The following MAST2 variants were observed in gnomAD, a reference collection of about 807,000 sequenced individuals.
The protein encoded by MAST2 is microtubule-associated serine/threonine-protein kinase 2.
Under a neutral mutation model 147.4 loss-of-function variants are expected in MAST2, and 70 were observed. That is an observed-to-expected ratio of 0.47 (90% CI 0.39 to 0.58). The LOEUF is 0.58. Ranked by LOEUF, MAST2 falls within the 20% of genes least tolerant of loss-of-function variation. The pLI, the probability that MAST2 is intolerant of heterozygous loss-of-function variation, is 0.00. For synonymous variants in MAST2, 869 were observed against 896.8 expected (o/e 0.97, Z 0.55); for missense variants, 2,080 against 2,302.3 (o/e 0.90, Z 1.98).
chr1:45,970,389 G>A (rs1038170816), intron 5 of MAST2, among the ~76,000 whole-genome samples: 1 of 152,056 alleles, frequency 6.6e-6, no homozygotes, highest in Non-Finnish European at 1.5e-5. Context: ...CTCCTGCCGG[G>A]CACGGTGGCT....
chr1:46,003,938 C>A (rs1645377322), intron 7 of MAST2, among the ~76,000 whole-genome samples: 2 of 152,174 alleles, frequency 1.3e-5, no homozygotes, highest in Admixed American at 1.3e-4. Context: ...GCTCAGTGTG[C>A]CTTTATTCCT....
intron 1 of MAST2, among the ~76,000 whole-genome samples, chr1:45,811,652 GAC>G (rs1644304834): frequency 1.2e-5 from 1 of 81,270 alleles, no homozygotes; most frequent in South Asian, 4.3e-4. Flanking sequence ...TTTTTTTTTT[GAC>G]ACAGAGTCTC....
At chr1:45,990,706 G>C (rs1409938915) in intron 5 of MAST2, among the ~76,000 whole-genome samples, 2 of 152,126 alleles carry the variant, frequency 1.3e-5, no homozygotes, top group Non-Finnish European at 2.9e-5. Context: ...GACTGATCTT[G>C]AACTCCTGGG....
At chr1:45,923,088 A>C (rs1354622296) in intron 4 of MAST2, among the ~76,000 whole-genome samples, 4 of 152,072 alleles carry the variant, frequency 2.6e-5, no homozygotes, top group African/African-American at 9.7e-5. Context: ...ATGTGCAAGC[A>C]CGGGACCACC....
chr1:45,967,248 T>G (rs1661366883), intron 5 of MAST2, among the ~76,000 whole-genome samples: 2 of 152,092 alleles, frequency 1.3e-5, no homozygotes, highest in Non-Finnish European at 2.9e-5. Flanking sequence ...TAATTCTGTA[T>G]TTTTAGTAGA....
At chr1:46,030,903 G>A in intron 22 of MAST2, 104 bp from the exon 23 acceptor site, 1 of 1,483,436 alleles carries the variant, frequency 6.7e-7, no homozygotes, top group African/African-American at 1.4e-5. Flanking sequence ...AGGAATGTCT[G>A]CGGAGGAAAG....
rs1325206635 is a variant in MAST2 at position 45,877,920 on chromosome 1, T to C, written c.469-4444T>C. ...GCAATGTATTTGATAAAATTGAAGT[T>C]AGGTTGGGCACGGTGGCTCACGCCT... On this transcript the variant is annotated intron_variant, in intron 3 of 28. Transcript: ENST00000361297. Among the ~76,000 whole-genome samples, 4 of 152,120 alleles carry C rather than the reference T, an allele frequency of 2.6e-5. No individual in the cohort carries two copies. The East Asian group carries it at 5.8e-4, about 22-fold the overall frequency.
chr1:45,869,592 C>G (rs1054190986), intron 3 of MAST2, among the ~76,000 whole-genome samples: 2 of 152,202 alleles, frequency 1.3e-5, no homozygotes, highest in African/African-American at 4.8e-5. Flanking sequence ...TGAATTTCAT[C>G]TATTCTAAGG....
chr1:46,033,296 G>A (rs1646755477), intron 26 of MAST2, among the ~76,000 whole-genome samples: 1 of 151,158 alleles, frequency 6.6e-6, no homozygotes, highest in African/African-American at 2.4e-5. Flanking sequence ...AAAATTAGCC[G>A]AGTGTGGTAG....
At chr1:45,983,437 T>C (rs1644490950) in intron 5 of MAST2, among the ~76,000 whole-genome samples, 2 of 151,998 alleles carry the variant, frequency 1.3e-5, no homozygotes. Flanking sequence ...AGATACCCCC[T>C]AACTCCTTTT....
chr1:45,875,481 A>G (rs1395580286), intron 3 of MAST2, among the ~76,000 whole-genome samples: 1 of 152,102 alleles, frequency 6.6e-6, no homozygotes, highest in Non-Finnish European at 1.5e-5. Context: ...TTCAGTATTT[A>G]TTTCATTATA....
chr1:45,886,281 AT>A (rs1184870246), intron 4 of MAST2, among the ~76,000 whole-genome samples: 1 of 144,646 alleles, frequency 6.9e-6, no homozygotes, highest in Non-Finnish European at 1.5e-5. Flanking sequence ...ATATTTATAT[AT>A]TGTATACATA....
chr1:45,946,229 C>T (rs985149442), intron 4 of MAST2, among the ~76,000 whole-genome samples: 1 of 151,996 alleles, frequency 6.6e-6, no homozygotes, highest in Non-Finnish European at 1.5e-5. Flanking sequence ...TCCATTAGAA[C>T]TGTGTGAATG....
intron 10 of MAST2, among the ~76,000 whole-genome samples, chr1:46,015,289 TC>T (rs1421576514): frequency 6.6e-6 from 1 of 151,900 alleles, no homozygotes; most frequent in Non-Finnish European, 1.5e-5. Context: ...AGCAACACAT[TC>T]AAAAGCTAGC....
intron 3 of MAST2, among the ~76,000 whole-genome samples, chr1:45,832,139 GT>G (rs1644977506): frequency 6.6e-6 from 1 of 151,856 alleles, no homozygotes; most frequent in African/African-American, 2.4e-5. Context: ...TTCCTACTTG[GT>G]CCCAACATGT....
chr1:45,852,424 C>A (rs1557833791), intron 3 of MAST2, among the ~76,000 whole-genome samples: 2 of 151,922 alleles, frequency 1.3e-5, no homozygotes, highest in African/African-American at 2.4e-5. Context: ...TGTGGTTTTG[C>A]AGTCATGGCT....
intron 4 of MAST2, among the ~76,000 whole-genome samples, chr1:45,887,418 G>A (rs1255390577): frequency 6.6e-6 from 1 of 152,184 alleles, no homozygotes; most frequent in Admixed American, 6.5e-5. Flanking sequence ...TTGCTGGCTT[G>A]TAGTCTTTAG....
At chr1:45,928,567 C>CTTTTTTTTTTTTTT (rs11374683) in intron 4 of MAST2, among the ~76,000 whole-genome samples, 1 of 143,724 alleles carries the variant, frequency 7.0e-6, no homozygotes. Context: ...ATCACTCTTT[C>CTTTTTTTTTTTTTT]TTTTTTTTTT....
At chr1:45,910,534 C>T (rs1424775968) in intron 4 of MAST2, among the ~76,000 whole-genome samples, 1 of 152,150 alleles carries the variant, frequency 6.6e-6, no homozygotes, top group Non-Finnish European at 1.5e-5. Flanking sequence ...AATACATTTA[C>T]TAGTAATGTG....
Sources: allele counts gnomAD v4.1 joint callset (sites outside exome capture counted in the v4.1 genomes callset), GRCh38; gene constraint gnomAD v4.1.1; transcripts MANE v1.5; gene names NCBI Gene and HGNC (gene_info 2026-07-23, HGNC 2026-07-21).